ADAMTS12: variants seen among roughly 807,000 people sequenced by gnomAD.
ADAMTS12 encodes ADAM metallopeptidase with thrombospondin type 1 motif 12, also known as A disintegrin and metalloproteinase with thrombospondin motifs 12.
In ADAMTS12, 118 loss-of-function variants were observed where a neutral mutation model predicts 167.8. The observed-to-expected ratio is 0.70, with a 90% confidence interval of 0.61 to 0.82. The LOEUF (loss-of-function observed/expected upper bound fraction) is 0.82, where lower values mean the gene tolerates loss of function less well. ADAMTS12 is among the 40% of genes least tolerant of loss of function. The pLI, the probability that ADAMTS12 is intolerant of heterozygous loss-of-function variation, is 0.00. For missense variants in ADAMTS12, 1,916 were observed against 1,998.8 expected (o/e 0.96, Z 0.79); for synonymous variants, 704 against 716.9 (o/e 0.98, Z 0.29).
intron 2 of ADAMTS12, among the ~76,000 whole-genome samples, chr5:33,804,532 G>A (rs898688489): frequency 1.3e-5 from 2 of 152,194 alleles, no homozygotes; most frequent in African/African-American, 2.4e-5. Flanking sequence ...ATAAATGATG[G>A]CTGTTTAAAG....
intron 13 of ADAMTS12, among the ~76,000 whole-genome samples, chr5:33,626,173 A>G (rs1739578738): frequency 6.6e-6 from 1 of 151,642 alleles, no homozygotes; most frequent in African/African-American, 2.4e-5. Flanking sequence ...CAGTGATGGT[A>G]GTGGTGGTAA....
At chr5:33,635,298 T>C (rs1740138623) in intron 12 of ADAMTS12, among the ~76,000 whole-genome samples, 2 of 152,162 alleles carry the variant, frequency 1.3e-5, no homozygotes, top group South Asian at 4.1e-4. Flanking sequence ...TACGAAATAA[T>C]CGAAGGTTTT....
intron 5 of ADAMTS12, among the ~76,000 whole-genome samples, chr5:33,664,496 G>A (rs1268216895): frequency 5.3e-5 from 8 of 152,140 alleles, no homozygotes; most frequent in Non-Finnish European, 8.8e-5. Context: ...CAAAGGACCC[G>A]AATAGGTATT....
chr5:33,765,969 G>A (rs530515115), intron 2 of ADAMTS12, among the ~76,000 whole-genome samples: 9 of 152,258 alleles, frequency 5.9e-5, no homozygotes, highest in East Asian at 3.9e-4. Flanking sequence ...GCCGTAGGTC[G>A]TTACAATCAG....
intron 16 of ADAMTS12, among the ~76,000 whole-genome samples, chr5:33,601,566 G>A (rs986266086): frequency 2.0e-5 from 3 of 152,238 alleles, no homozygotes; most frequent in East Asian, 1.9e-4. Context: ...CAATGAAGCC[G>A]TAGTTTTCAT....
At chr5:33,650,469 C>T (rs1346836543) in intron 7 of ADAMTS12, among the ~76,000 whole-genome samples, 1 of 152,182 alleles carries the variant, frequency 6.6e-6, no homozygotes, top group Non-Finnish European at 1.5e-5. Context: ...TTATCATGAT[C>T]TAGCTTATTT....
At chr5:33,776,060 C>T (rs554034179) in intron 2 of ADAMTS12, among the ~76,000 whole-genome samples, 46 of 152,158 alleles carry the variant, frequency 3.0e-4, no homozygotes, top group African/African-American at 1.1e-3. Flanking sequence ...CATCACAGTA[C>T]CTCAGTATAT....
intron 2 of ADAMTS12, among the ~76,000 whole-genome samples, chr5:33,864,850 G>A (rs1749754562): frequency 6.6e-6 from 1 of 152,120 alleles, no homozygotes; most frequent in Admixed American, 6.5e-5. Context: ...GGGTTAGGGG[G>A]CTAGGGAAGG....
At chr5:33,664,984 C>CA (rs1741416962) in intron 5 of ADAMTS12, among the ~76,000 whole-genome samples, 1 of 151,810 alleles carries the variant, frequency 6.6e-6, no homozygotes, top group South Asian at 2.1e-4. Context: ...GCCCACCCAA[C>CA]ATAAAAAACT....
chr5:33,533,228 C>CT (rs1330546637), intron 23 of ADAMTS12, among the ~76,000 whole-genome samples: 1 of 152,152 alleles, frequency 6.6e-6, no homozygotes, highest in Non-Finnish European at 1.5e-5. Context: ...ATAACAAGCC[C>CT]TAACACTAGG....
chr5:33,536,222 C>T (rs1322598926), intron 22 of ADAMTS12, among the ~76,000 whole-genome samples: 3 of 152,250 alleles, frequency 2.0e-5, no homozygotes, highest in African/African-American at 7.2e-5. Flanking sequence ...CTGCAACCTC[C>T]CTCCCTGGGT....
chr5:33,736,867 T>TA (rs757817000), intron 3 of ADAMTS12, among the ~76,000 whole-genome samples: 12 of 152,192 alleles, frequency 7.9e-5, no homozygotes, highest in Non-Finnish European at 1.3e-4. Flanking sequence ...AATCTGGCCT[T>TA]CAATGGCTTC....
intron 2 of ADAMTS12, among the ~76,000 whole-genome samples, chr5:33,832,046 C>T (rs1300371928): frequency 6.6e-6 from 1 of 152,228 alleles, no homozygotes; most frequent in African/African-American, 2.4e-5. Context: ...GCAGTGATTT[C>T]TGCAGCTTTC....
intron 3 of ADAMTS12, among the ~76,000 whole-genome samples, chr5:33,738,378 T>C (rs1056060556): frequency 1.1e-4 from 17 of 152,128 alleles, no homozygotes; most frequent in Admixed American, 5.9e-4. Flanking sequence ...GCTTTTCCAA[T>C]GCTAATAGCC....
intron 19 of ADAMTS12, among the ~76,000 whole-genome samples, chr5:33,571,882 T>A (rs1196433405): frequency 6.6e-6 from 1 of 151,394 alleles, no homozygotes; most frequent in African/African-American, 2.4e-5. Context: ...GAGAGAAGAA[T>A]CAAATAGACA....
Position 33,533,396 on chromosome 5 carries a change from C to A in ADAMTS12, c.4606+1437G>T, listed in dbSNP as rs112408212. Among the ~76,000 whole-genome samples the A allele has an allele frequency of 2.6e-3, 393 of 152,228 alleles. 3 individuals carry two copies. Among genetic ancestry groups the A allele is most frequent in the African/African-American group, 9.2e-3 (381 of 41,556 alleles). On this transcript the variant is annotated intron_variant, in intron 23 of 23. Coordinates refer to ENST00000504830, the MANE Select transcript of ADAMTS12 (RefSeq NM_030955.4). ...CTCAAATTGGTCCCTTGGTCTAGAACGAGGTGCTTCTCAAACTTTGATGTG... is the reference window on the plus strand; with the variant it reads ...CTCAAATTGGTCCCTTGGTCTAGAAAGAGGTGCTTCTCAAACTTTGATGTG...
intron 3 of ADAMTS12, among the ~76,000 whole-genome samples, chr5:33,706,099 T>TA (rs970893190): frequency 1.3e-5 from 2 of 152,014 alleles, no homozygotes; most frequent in African/African-American, 2.4e-5. Flanking sequence ...GACTTTTTTT[T>TA]AAAAAAATAG....
intron 3 of ADAMTS12, among the ~76,000 whole-genome samples, chr5:33,750,171 C>T (rs73086146): frequency 0.016 from 2,418 of 152,314 alleles, 60 homozygotes; most frequent in African/African-American, 0.055. Flanking sequence ...AAATCAGCTA[C>T]ATGATATATT....
chr5:33,763,203 G>C (rs572121661), intron 2 of ADAMTS12, among the ~76,000 whole-genome samples: 2 of 152,244 alleles, frequency 1.3e-5, no homozygotes, highest in South Asian at 4.2e-4. Context: ...TTAGCAGAAG[G>C]GAGTTTGCAG....
Sources: allele counts gnomAD v4.1 joint callset (sites outside exome capture counted in the v4.1 genomes callset), GRCh38; gene constraint gnomAD v4.1.1; transcripts MANE v1.5; gene names NCBI Gene and HGNC (gene_info 2026-07-23, HGNC 2026-07-21).